TBL3: variants seen among roughly 807,000 people sequenced by gnomAD.
TBL3 encodes the protein transducin beta like 3.
Under a neutral mutation model 102.7 loss-of-function variants are expected in TBL3, and 71 were observed. That is an observed-to-expected ratio of 0.69 (90% CI 0.57 to 0.84). TBL3 has a LOEUF of 0.84. TBL3 is among the 40% of genes least tolerant of loss of function. The pLI, the probability that TBL3 is intolerant of heterozygous loss-of-function variation, is 0.00. For synonymous variants in TBL3, 578 were observed against 477.7 expected (o/e 1.21, Z -2.74); for missense variants, 1,188 against 1,098.5 (o/e 1.08, Z -1.15).
At position 1,979,729 on chromosome 16, in the gene TBL3, C is replaced by T. The variant is rs1391596014; in HGVS notation, c.*1044C>T. 4 of 1,352,252 alleles carry T rather than the reference C, an allele frequency of 3.0e-6. No homozygotes were observed. Among genetic ancestry groups the T allele is most frequent in the Non-Finnish European group, 2.0e-6 (2 of 1,002,694 alleles). 83.8% of individuals were successfully genotyped at this position (1,352,252 alleles called of 1,614,324 possible). A position where few individuals can be genotyped will look rare whatever the true frequency, so the allele number is the denominator to read the frequency against. On this transcript the variant is annotated 3_prime_UTR_variant, in exon 22 of 22. Transcript: ENST00000568546. Reference sequence around the variant, plus strand: ...CCCGCCCTGCCCGCGGTGCTTCTGGCCCAGTCTTGCCACACGGTCAAGCCG... The same window carrying T: ...CCCGCCCTGCCCGCGGTGCTTCTGGTCCAGTCTTGCCACACGGTCAAGCCG...
chr16:1,979,354 G>A lies in TBL3; in HGVS notation c.*669G>A, dbSNP rs956125841. ...AGGCCCGCCCGGTCGCCGTACCTGC[G>A]AGGGGCGGGGTGTGGTTAGGGCCCC... On this transcript the variant is annotated 3_prime_UTR_variant, in exon 22 of 22. Transcript: ENST00000568546. 13 of 1,581,494 alleles carry A rather than the reference G, an allele frequency of 8.2e-6. No individual in the cohort carries two copies. Among genetic ancestry groups the A allele is most frequent in the Non-Finnish European group, 1.0e-5 (12 of 1,170,836 alleles).
chr16:1,976,172 C>T (rs778996864), intron 12 of TBL3, 39 bp from the exon 13 acceptor site: 7 of 1,613,640 alleles, frequency 4.3e-6, no homozygotes, highest in Non-Finnish European at 5.9e-6. Flanking sequence ...ACGCAGTAGG[C>T]CCATGGACCA....
In TBL3 at chr16:1,980,779, C is replaced by A; in HGVS notation, c.*2094C>A. 6.5e-7 allele frequency: 1 copy of A among 1,544,086 alleles called. No homozygotes were observed. On this transcript the variant is annotated 3_prime_UTR_variant, in exon 22 of 22. Coordinates refer to ENST00000568546, the MANE Select transcript of TBL3 (RefSeq NM_006453.3). ...TGGTCTTCCAGAGCCCACTGTGCAC[C>A]CTTGAGAGGGCGGGGTCCCTCACCC...
At chr16:1,976,522 G>A (rs1424135561) in intron 13 of TBL3, among the ~76,000 whole-genome samples, 1 of 152,214 alleles carries the variant, frequency 6.6e-6, no homozygotes, top group African/African-American at 2.4e-5. Flanking sequence ...AGTGGTTAAA[G>A]GGGGAAGGGC....
chr16:1,979,555 G>A lies in TBL3; in HGVS notation c.*870G>A. 2 of 1,595,642 alleles carry A rather than the reference G, an allele frequency of 1.3e-6. No individual in the cohort carries two copies. Among genetic ancestry groups the A allele is most frequent in the Non-Finnish European group, 1.7e-6 (2 of 1,167,500 alleles). On this transcript the variant is annotated 3_prime_UTR_variant, in exon 22 of 22. Coordinates refer to ENST00000568546, the MANE Select transcript of TBL3 (RefSeq NM_006453.3). ...CAGAACTGGGGACCTGGTGGGAGTG[G>A]GTGTTTGGAGTCACCGCGGGGCCAC...
In TBL3 at chr16:1,980,766, GCC is replaced by G. The variant is rs1300065286; in HGVS notation, c.*2083_*2084del. ...GGAACCAGGGCATTGGTCTTCCAGA[GCC>G]CACTGTGCACCCTTGAGAGGGCGGG... On this transcript the variant is annotated 3_prime_UTR_variant, in exon 22 of 22. Transcript: ENST00000568546. 61 of 1,565,144 alleles carry G rather than the reference GCC, an allele frequency of 3.9e-5. No individual in the cohort carries two copies. The highest frequency in any genetic ancestry group is 5.3e-5 in the Non-Finnish European group (61 of 1,150,752).
At chr16:1,974,870 A>G (rs2083386899) in intron 6 of TBL3, 23 bp downstream of exon 6, 7 of 1,612,506 alleles carry the variant, frequency 4.3e-6, no homozygotes, top group Non-Finnish European at 5.1e-6. Flanking sequence ...GTGGAGGGGG[A>G]GGGCAGAGGC....
At position 1,980,988 on chromosome 16, in the gene TBL3, C is replaced by T; in HGVS notation, c.*2303C>T. ...ACTCCTGCGCACGAAGGTGTCGCTG[C>T]CGTCTGACCAGCGCACAGAGAAGGC... On this transcript the variant is annotated 3_prime_UTR_variant, in exon 22 of 22. Transcript: ENST00000568546. The T allele has an allele frequency of 6.2e-7, 1 of 1,613,284 alleles. No individual in the cohort carries two copies. Among genetic ancestry groups the T allele is most frequent in the Admixed American group, 1.7e-5 (1 of 60,030 alleles).
At chr16:1,972,848 G>T (rs1432445814) in intron 1 of TBL3, among the ~76,000 whole-genome samples, 1 of 152,190 alleles carries the variant, frequency 6.6e-6, no homozygotes, top group African/African-American at 2.4e-5. Context: ...GGGCTGAGGG[G>T]CCGCTTTCGT....
rs368831201 is a variant in TBL3, at chr16:1,974,724, G to A, written c.380-39G>A. ...GTGGGTCGTGGGCACAGATGCAGGGGCTTTGGGCATTCCACCCCCTCACCT... is the reference window on the plus strand; with the variant it reads ...GTGGGTCGTGGGCACAGATGCAGGGACTTTGGGCATTCCACCCCCTCACCT... On this transcript the variant is annotated intron_variant, in intron 5 of 21. Coordinates refer to ENST00000568546, the MANE Select transcript of TBL3 (RefSeq NM_006453.3). The A allele has an allele frequency of 9.3e-6, 15 of 1,611,864 alleles. No homozygotes were observed. The African/African-American group carries it at 1.6e-4, about 17-fold the overall frequency.
Position 1,981,965 on chromosome 16 carries a change from A to G in TBL3, c.*3280A>G, listed in dbSNP as rs2083516300. Reference sequence around the variant, plus strand: ...AAGTGGTCACTAGGGCTGTTTTGAGAACCACCTCTCAATTCACGATTTGCC... The same window carrying G: ...AAGTGGTCACTAGGGCTGTTTTGAGGACCACCTCTCAATTCACGATTTGCC... On this transcript the variant is annotated 3_prime_UTR_variant, in exon 22 of 22. Coordinates refer to ENST00000568546, the MANE Select transcript of TBL3 (RefSeq NM_006453.3). 2 of 151,922 alleles carry G rather than the reference A, an allele frequency of 1.3e-5. No individual in the cohort carries two copies. Among genetic ancestry groups the G allele is most frequent in the South Asian group, 4.2e-4 (2 of 4,816 alleles). 9.4% of individuals were successfully genotyped at this position (151,922 alleles called of 1,614,324 possible).
Position 1,979,417 on chromosome 16 carries a change from C to G in TBL3, c.*732C>G. 1 of 1,606,062 alleles carries G rather than the reference C, an allele frequency of 6.2e-7. No homozygotes were observed. The highest frequency in any genetic ancestry group is 1.1e-5 in the South Asian group (1 of 90,812). On this transcript the variant is annotated 3_prime_UTR_variant, in exon 22 of 22. Coordinates refer to ENST00000568546, the MANE Select transcript of TBL3 (RefSeq NM_006453.3). ...TAGCCTGCCCTGCCCACGCCCGCTC[C>G]CGCGTACCTGCATAGCCACCAGCCG...
In TBL3 at chr16:1,978,739, C is replaced by T. The variant is rs1050754170; in HGVS notation, c.*54C>T. 36 of 1,576,216 alleles carry T rather than the reference C, an allele frequency of 2.3e-5. No individual in the cohort carries two copies. In the African/African-American group the frequency reaches 3.4e-4, roughly 15 times the overall value. On this transcript the variant is annotated 3_prime_UTR_variant, in exon 22 of 22. Coordinates refer to ENST00000568546, the MANE Select transcript of TBL3 (RefSeq NM_006453.3). Reference sequence around the variant, plus strand: ...GAACCCCTGGAAAACCCATAAAGGCCGCTCTCCTGGCCGGCTCTGTCTCTC... The same window carrying T: ...GAACCCCTGGAAAACCCATAAAGGCTGCTCTCCTGGCCGGCTCTGTCTCTC...
Position 1,976,890 on chromosome 16 carries a change from T to C in TBL3, c.1369T>C (p.Ser457Pro), listed in dbSNP as rs17605. The C allele has an allele frequency of 0.084, 134,892 of 1,613,840 alleles. 6,333 individuals carry two copies. Among genetic ancestry groups the C allele is most frequent in the Non-Finnish European group, 0.092 (108,266 of 1,179,958 alleles). Residue 457 changes from serine to proline, a missense_variant, in exon 14 of 22, where the codon TCC becomes CCC. Physicochemically the swap from Ser to Pro is moderately conservative, Grantham distance 74. Transcript: ENST00000568546. ...GTGGCCTCTTCCCAAAGCCTTGCTG[T>C]CCAAGAACACAGCCCCAGACAACGG... ...KLWPLPKALL[S>P]KNTAPDNGPI... is the part of the protein sequence containing the mutation.
chr16:1,979,303 C>A lies in TBL3; in HGVS notation c.*618C>A. ...CCGCTCAGGAGAGCGCCCAGCCCTT[C>A]CGGCCGCAGCAGCACCGCGGGGAGT... On this transcript the variant is annotated 3_prime_UTR_variant, in exon 22 of 22. Coordinates refer to ENST00000568546, the MANE Select transcript of TBL3 (RefSeq NM_006453.3). 6.4e-7 allele frequency: 1 copy of A among 1,567,264 alleles called. No individual in the cohort carries two copies. Among genetic ancestry groups the A allele is most frequent in the Non-Finnish European group, 8.6e-7 (1 of 1,164,272 alleles).
In TBL3 at chr16:1,978,468, A is replaced by G. The variant is rs1485213945; in HGVS notation, c.2290A>G (p.Thr764Ala). Residue 764 changes from threonine (T) to alanine (A), a missense_variant, in exon 21 of 22, where the codon ACT becomes GCT. Transcript: ENST00000568546. ...AGCGCTTGAGGCCCTGCTGCCCTAC[A>G]CTGGTATGTGGGCACAGCCTGGGGT... Reference protein sequence around the residue: ...RAALEALLPYTERHFQRLSRT... With the variant: ...RAALEALLPYAERHFQRLSRT... The G allele has an allele frequency of 5.6e-6, 9 of 1,602,728 alleles. No homozygotes were observed. The highest frequency in any genetic ancestry group is 3.4e-5 in the Admixed American group (2 of 59,290).
At chr16:1,973,168 G>A (rs542773138) in intron 1 of TBL3, among the ~76,000 whole-genome samples, 27 of 152,194 alleles carry the variant, frequency 1.8e-4, no homozygotes, top group Middle Eastern at 3.4e-3. Flanking sequence ...GAGGCCGGGC[G>A]CGGTGGCTCA....
rs2083418102 is a variant in TBL3, at chr16:1,977,986, G to A, written c.1987G>A (p.Glu663Lys). 2 of 1,604,956 alleles carry A rather than the reference G, an allele frequency of 1.2e-6. No individual in the cohort carries two copies. Among genetic ancestry groups the A allele is most frequent in the South Asian group, 2.2e-5 (2 of 89,750 alleles). ...GCAAGAGCTGGACAACCTGCTGCAT[G>A]AGAAGCGGTACCTGCGGGCGCTGGG... ...RQQELDNLLH[E>K]KRYLRALGLA... The change falls in exon 19 of 22, where the codon GAG becomes AAG. Residue 663 changes from glutamate to lysine, a missense_variant. Transcript: ENST00000568546.
At chr16:1,978,507 T>G in intron 21 of TBL3, 36 bp downstream of exon 21, 1 of 1,589,210 alleles carries the variant, frequency 6.3e-7, no homozygotes, top group Non-Finnish European at 8.6e-7. Context: ...GGGATCCTGG[T>G]GGGCGTGTGG....
Sources: gnomAD v4.1 joint callset for allele counts (sites outside exome capture counted in the v4.1 genomes callset) on GRCh38, gnomAD v4.1.1 for gene constraint, MANE v1.5 for transcripts, NCBI Gene and HGNC (gene_info 2026-07-23, HGNC 2026-07-21) for gene names.